Variants in TTN observed in about 807,000 individuals in gnomAD.
The protein encoded by TTN is titin, also known as connectin.
Under a neutral mutation model 3,223.0 loss-of-function variants are expected in TTN, and 1,525 were observed. The observed-to-expected ratio is 0.47, with a 90% CI of 0.45 to 0.49. The LOEUF (loss-of-function observed/expected upper bound fraction) is 0.49. Among genes scored for constraint, TTN ranks in the 20% least tolerant of loss-of-function variants. The probability of loss-of-function intolerance (pLI) is 0.00; values close to 1 mark genes in which losing one functional copy is unlikely to be tolerated. For missense variants in TTN, 40,786 were observed against 43,424.0 expected (o/e 0.94, Z 5.40); for synonymous variants, 14,094 against 15,161.0 (o/e 0.93, Z 5.17).
Position 178,547,817 on chromosome 2 carries a change from C to T in TTN, c.93809G>A (p.Arg31270Lys), listed in dbSNP as rs1280335651. 2 of 1,613,876 alleles carry T rather than the reference C, an allele frequency of 1.2e-6. No individual in the cohort carries two copies. Among genetic ancestry groups the T allele is most frequent in the Non-Finnish European group, 1.7e-6 (2 of 1,179,836 alleles). The stretch of plus-strand genomic sequence containing the variant: ...GCTGTCCTTTACAGTCAGTGTGGTT[C>T]TGTCTTTTGTTGTTGTAATGCTCAC... ...DRVSITTTKDRTTLTVKDSMR... is the reference protein window; with the variant it reads ...DRVSITTTKDKTTLTVKDSMR... Residue 31270 changes from arginine (R) to lysine (K), a missense_variant, in exon 339 of 363, where the codon AGA (arginine) becomes AAA (lysine). By Grantham distance (26) the Arg-to-Lys change is conservative. Coordinates refer to ENST00000589042, the MANE Select transcript of TTN (RefSeq NM_001267550.2).
intron 294 of TTN, among the ~76,000 whole-genome samples, chr2:178,597,027 A>G (rs2051864657): frequency 6.6e-6 from 1 of 152,148 alleles, no homozygotes; most frequent in African/African-American, 2.4e-5. Flanking sequence ...GTAGAGTCTC[A>G]TGATGTGAAA....
At chr2:178,529,254 A>T (rs756402680) in intron 359 of TTN, 35 bp from the exon 360 acceptor site, 4 of 1,379,952 alleles carry the variant, frequency 2.9e-6, no homozygotes, top group East Asian at 2.5e-5. Flanking sequence ...AAACTTAATT[A>T]GAAAGAGACC....
intron 6 of TTN, among the ~76,000 whole-genome samples, chr2:178,798,331 A>G (rs1032180887): frequency 6.6e-6 from 1 of 152,132 alleles, no homozygotes; most frequent in African/African-American, 2.4e-5. Context: ...AAGTTTCATC[A>G]TGATAAACTA....
At position 178,678,167 on chromosome 2, in the gene TTN, GTTTCT is replaced by G; in HGVS notation, c.33947_33951del (p.Lys11316ThrfsTer20). 1 of 1,611,312 alleles carries G rather than the reference GTTTCT, an allele frequency of 6.2e-7. No individual in the cohort carries two copies. Among genetic ancestry groups the G allele is most frequent in the Non-Finnish European group, 8.5e-7 (1 of 1,178,942 alleles). ...TCCACTTTTTTCGGAACAGGTGTTG[GTTTCT>G]TTTCTTCTGGGATGAGCTTCTTGGG... On this transcript the variant is annotated frameshift_variant, in exon 145 of 363. Coordinates refer to ENST00000589042, the MANE Select transcript of TTN (RefSeq NM_001267550.2). LOFTEE classifies it high-confidence loss of function.
At position 178,527,549 on chromosome 2, in the gene TTN, C is replaced by T. The variant is rs772602914; in HGVS notation, c.107577G>A (p.Met35859Ile). 7 of 1,614,016 alleles carry T rather than the reference C, an allele frequency of 4.3e-6. No homozygotes were observed. In the East Asian group the frequency reaches 1.6e-4, roughly 36 times the overall value. ...ASMSAQSMSS[M>I]QESFVEMSSS... ...AACTCATTTCTACAAAGGACTCTTGCATGGAGGACATGCTTTGGGCAGACA... is the reference window on the plus strand; with the variant it reads ...AACTCATTTCTACAAAGGACTCTTGTATGGAGGACATGCTTTGGGCAGACA... Residue 35859 changes from methionine to isoleucine, a missense_variant, in exon 362 of 363, where the codon ATG becomes ATA. Met to Ile is a conservative substitution (Grantham distance 10). Transcript: ENST00000589042.
Position 178,775,727 on chromosome 2 carries a change from G to A in TTN, c.6137C>T (p.Thr2046Ile). 1.9e-6 allele frequency: 3 copies of A among 1,614,120 alleles called. No homozygotes were observed. The highest frequency in any genetic ancestry group is 2.5e-6 in the Non-Finnish European group (3 of 1,180,002). Residue 2046 changes from threonine to isoleucine, a missense_variant, in exon 28 of 363, where the codon ACT (threonine) becomes ATT (isoleucine). Thr to Ile is a moderately conservative substitution (Grantham distance 89). Coordinates refer to ENST00000589042, the MANE Select transcript of TTN (RefSeq NM_001267550.2). ...GGCAAGAGCTTTCTTTTCCTCTTCA[G>A]TTAACTCTTTGGTCCAGTGGAGAAG... ...DELLHWTKEL[T>I]EEEKKALAEE...
In TTN at chr2:178,593,044, G is replaced by T. The variant is rs774404108; in HGVS notation, c.59075C>A (p.Thr19692Lys). The change falls in exon 300 of 363, where the codon ACA becomes AAA. Residue 19692 changes from threonine to lysine, a missense_variant. By Grantham distance (78) the Thr-to-Lys change is moderately conservative. Transcript: ENST00000589042. ...AGTTAGATCGACTGAATTGCATGTT[G>T]TATCTATTGCTTCAGGATTAACAGG... Reference protein sequence around the residue: ...SPPVNPEAIDTTCNSVDLTWQ... With the variant: ...SPPVNPEAIDKTCNSVDLTWQ... 3 of 1,613,376 alleles carry T rather than the reference G, an allele frequency of 1.9e-6. No individual in the cohort carries two copies. The highest frequency in any genetic ancestry group is 1.7e-6 in the Non-Finnish European group (2 of 1,179,592).
chr2:178,583,665 C>T lies in TTN; in HGVS notation c.65517G>A (p.Ala21839=), dbSNP rs1390911668. ...GTTCAGAAGGTGGGCTAATGTTTAC[C>T]GCGGTCCTGGCAATAGCTCTAAATT... ...QYQFRAIART[A]VNISPPSEPS... Residue 21839 remains alanine (A), a synonymous_variant, in exon 312 of 363, where the codon GCG becomes GCA. Coordinates refer to ENST00000589042, the MANE Select transcript of TTN (RefSeq NM_001267550.2). 1.9e-5 allele frequency: 31 copies of T among 1,611,962 alleles called. 1 individual carries two copies. Among genetic ancestry groups the T allele is most frequent in the Middle Eastern group, 1.7e-4 (1 of 6,030 alleles).
At chr2:178,765,994 A>G (rs1277150430) in intron 41 of TTN, among the ~76,000 whole-genome samples, 2 of 152,170 alleles carry the variant, frequency 1.3e-5, no homozygotes, top group Non-Finnish European at 2.9e-5. Context: ...ACTCCATATC[A>G]GAGGCTGGAA....
chr2:178,622,822 C>T, intron 242 of TTN, 55 bp from the exon 243 acceptor site: 1 of 1,315,246 alleles, frequency 7.6e-7, no homozygotes, highest in South Asian at 1.3e-5. Flanking sequence ...TTTACTCTGA[C>T]ATTACCATAG....
rs1217516150 is a variant in TTN at position 178,775,394 on chromosome 2, G to A, written c.6470C>T (p.Ala2157Val). The change falls in exon 28 of 363, where the codon GCT becomes GTT. Residue 2157 changes from alanine (A) to valine (V), a missense_variant. Physicochemically the swap from Ala to Val is moderately conservative, Grantham distance 64 (BLOSUM62 0). Transcript: ENST00000589042. ...ASIMVKAINI[A>V]GETSSHAFLL... is the part of the protein sequence containing the mutation. ...GAATGCGTGACTGGAGGTTTCTCCA[G>A]CTATGTTGATGGCTTTTACCATGAT... 8.7e-6 allele frequency: 14 copies of A among 1,614,112 alleles called. No homozygotes were observed. The highest frequency in any genetic ancestry group is 1.1e-5 in the Non-Finnish European group (13 of 1,180,012).
Position 178,741,454 on chromosome 2 carries a change from T to G in TTN, c.11779A>C (p.Lys3927Gln). 1 of 1,613,892 alleles carries G rather than the reference T, an allele frequency of 6.2e-7. No homozygotes were observed. Among genetic ancestry groups the G allele is most frequent in the Non-Finnish European group, 8.5e-7 (1 of 1,179,810 alleles). Residue 3927 changes from lysine to glutamine, a missense_variant, in exon 48 of 363, where the codon AAA (lysine) becomes CAA (glutamine). By Grantham distance (53) the Lys-to-Gln change is moderately conservative. Coordinates refer to ENST00000589042, the MANE Select transcript of TTN (RefSeq NM_001267550.2). ...KDTETESAVA[K>Q]SLEKLGGPCP... is the part of the protein sequence containing the mutation. ...GGACCTCCCAGCTTTTCCAGAGATT[T>G]TGCCACTGCTGATTCTGTTTCAGTG...
At chr2:178,588,262 C>A in intron 304 of TTN, 43 bp from the exon 305 acceptor site, 1 of 1,471,350 alleles carries the variant, frequency 6.8e-7, no homozygotes, top group Non-Finnish European at 9.1e-7. Context: ...ACTAGTGATA[C>A]TTCAATGTGT....
chr2:178,789,575 A>C, intron 12 of TTN, 78 bp from the exon 13 acceptor site: 3 of 1,573,552 alleles, frequency 1.9e-6, no homozygotes, highest in Admixed American at 1.7e-5. Context: ...CCCCTTCCTC[A>C]TGGGGATGCA....
intron 121 of TTN, among the ~76,000 whole-genome samples, chr2:178,690,195 A>T (rs751601637): frequency 6.6e-6 from 1 of 152,168 alleles, no homozygotes; most frequent in African/African-American, 2.4e-5. Flanking sequence ...GATGACACAA[A>T]CAATCAAGAA....
Position 178,576,770 on chromosome 2 carries a change from G to C in TTN, c.69474C>G (p.Val23158=), listed in dbSNP as rs1290297669. The change falls in exon 325 of 363, where the codon GTC becomes GTG. Residue 23158 remains valine, a synonymous_variant. Coordinates refer to ENST00000589042, the MANE Select transcript of TTN (RefSeq NM_001267550.2). This position sits in a 1 kb window ranked among gnomAD's most constrained non-coding sequence, Gnocchi z 4.3. ...CATCATCCACTGGCCTTTTCCAGCT[G>C]ACAGTGGCAGTGTTCTTAGTGACAT... ...VSNVTKNTAT[V]SWKRPVDDGG... 1.9e-6 allele frequency: 3 copies of C among 1,613,270 alleles called. No homozygotes were observed. Among genetic ancestry groups the C allele is most frequent in the Non-Finnish European group, 2.5e-6 (3 of 1,179,622 alleles).
rs886042475 is a variant in TTN at position 178,611,029 on chromosome 2, C to T, written c.51100G>A (p.Gly17034Ser). 19 of 1,612,444 alleles carry T rather than the reference C, an allele frequency of 1.2e-5. No individual in the cohort carries two copies. The highest frequency in any genetic ancestry group is 8.3e-5 in the Admixed American group (5 of 59,924). The change falls in exon 270 of 363, where the codon GGC (glycine) becomes AGC (serine). Residue 17034 changes from glycine (G) to serine (S), a missense_variant. By Grantham distance (56) the Gly-to-Ser change is moderately conservative. Transcript: ENST00000589042. Reference sequence around the variant, plus strand: ...ACATTGATTGAGGCTGTTGCTGAGCCGAGCTTATTCTCCAGTGTAATGGTA... The same window carrying T: ...ACATTGATTGAGGCTGTTGCTGAGCTGAGCTTATTCTCCAGTGTAATGGTA... ...IYTITLENKL[G>S]SATASINVKV... is the part of the protein sequence containing the mutation.
chr2:178,679,372 T>C lies in TTN; in HGVS notation c.33709A>G (p.Ile11237Val). 1 of 1,612,718 alleles carries C rather than the reference T, an allele frequency of 6.2e-7. No homozygotes were observed. The highest frequency in any genetic ancestry group is 8.5e-7 in the Non-Finnish European group (1 of 1,179,054). The change falls in exon 142 of 363, where the codon ATT becomes GTT. Residue 11237 changes from isoleucine to valine, a missense_variant. Coordinates refer to ENST00000589042, the MANE Select transcript of TTN (RefSeq NM_001267550.2). ...KKPEEKVPVL[I>V]PKKEKPPPAK... ...GGCGGAGGCTTCTCCTTTTTAGGAA[T>C]AAGCACAGGAACTTTCTCCTCTGGC...
chr2:178,745,941 A>C, intron 47 of TTN: 3 of 1,609,572 alleles, frequency 1.9e-6, no homozygotes, highest in Non-Finnish European at 2.5e-6. Flanking sequence ...AAACTGCTTA[A>C]AGTCACTTTG....
Sources: gnomAD v4.1 joint callset for allele counts (sites outside exome capture counted in the v4.1 genomes callset) on GRCh38, gnomAD v4.1.1 for gene constraint, Gnocchi (gnomAD v3.1) non-coding constraint, MANE v1.5 for transcripts, NCBI Gene and HGNC (gene_info 2026-07-23, HGNC 2026-07-21) for gene names.